The following CYP39A1 variants were observed in gnomAD, a reference collection of about 807,000 sequenced individuals.
The protein encoded by CYP39A1 is 24-hydroxycholesterol 7-alpha-hydroxylase.
In CYP39A1, 49 loss-of-function variants were observed where a neutral mutation model predicts 58.1. The observed-to-expected ratio is 0.84, with a 90% CI of 0.67 to 1.07. CYP39A1 has a LOEUF of 1.07. Ranked by LOEUF, CYP39A1 falls within the 50% of genes least tolerant of loss-of-function variation. The probability of loss-of-function intolerance (pLI) is 0.00; values close to 1 mark genes in which losing one functional copy is unlikely to be tolerated. For missense variants in CYP39A1, 531 were observed against 539.4 expected (o/e 0.98, Z 0.16); for synonymous variants, 209 against 187.6 (o/e 1.11, Z -0.93).
chr6:46,592,553 G>A (rs1772902383), intron 8 of CYP39A1, among the ~76,000 whole-genome samples: 1 of 152,126 alleles, frequency 6.6e-6, no homozygotes, highest in Non-Finnish European at 1.5e-5. Flanking sequence ...AAAATTGGAA[G>A]CCACATACAT....
At chr6:46,567,501 T>C (rs554659660) in intron 10 of CYP39A1, among the ~76,000 whole-genome samples, 53 of 152,256 alleles carry the variant, frequency 3.5e-4, no homozygotes, top group African/African-American at 1.1e-3. Context: ...GTGGAATTGC[T>C]GGATCATATG....
intron 1 of CYP39A1, among the ~76,000 whole-genome samples, chr6:46,651,935 C>A (rs1051554491): frequency 6.6e-6 from 1 of 152,176 alleles, no homozygotes; most frequent in East Asian, 1.9e-4. Flanking sequence ...TGGAGTACAT[C>A]ATCATCAAAT....
chr6:46,555,360 T>C (rs1770621194), intron 10 of CYP39A1, among the ~76,000 whole-genome samples: 1 of 152,232 alleles, frequency 6.6e-6, no homozygotes, highest in Non-Finnish European at 1.5e-5. Flanking sequence ...CAGCTGCTAC[T>C]GCACCACATT....
At position 46,550,337 on chromosome 6, in the gene CYP39A1, G is replaced by A. The variant is rs369717290; in HGVS notation, c.*29C>T. ...TGGGGTAGTGCCACTCCTCCAGAAGGCCCTGGTCCTTGTGAGGCCCAACAG... is the reference window on the plus strand; with the variant it reads ...TGGGGTAGTGCCACTCCTCCAGAAGACCCTGGTCCTTGTGAGGCCCAACAG... On this transcript the variant is annotated 3_prime_UTR_variant, in exon 12 of 12. Coordinates refer to ENST00000275016, the MANE Select transcript of CYP39A1 (RefSeq NM_016593.5). 1.0e-5 allele frequency: 16 copies of A among 1,602,388 alleles called. No homozygotes were observed. Among genetic ancestry groups the A allele is most frequent in the African/African-American group, 2.7e-5 (2 of 74,580 alleles).
At chr6:46,605,773 A>G (rs1773809505) in intron 7 of CYP39A1, among the ~76,000 whole-genome samples, 1 of 152,162 alleles carries the variant, frequency 6.6e-6, no homozygotes, top group African/African-American at 2.4e-5. Flanking sequence ...GCCCTTCACA[A>G]ATGGACATTA....
chr6:46,610,609 T>G (rs1388982713), intron 7 of CYP39A1, among the ~76,000 whole-genome samples: 1 of 152,190 alleles, frequency 6.6e-6, no homozygotes, highest in Non-Finnish European at 1.5e-5. Context: ...TCTCCCAAAG[T>G]GCCGGGATTA....
intron 8 of CYP39A1, among the ~76,000 whole-genome samples, chr6:46,589,102 T>C (rs2150513436): frequency 6.6e-6 from 1 of 152,252 alleles, no homozygotes; most frequent in African/African-American, 2.4e-5. Flanking sequence ...CCTCAAGATA[T>C]TTGAAAAACT....
At chr6:46,586,212 A>C in intron 10 of CYP39A1, 3 of 983,496 alleles carry the variant, frequency 3.1e-6, no homozygotes, top group Non-Finnish European at 3.6e-6. Flanking sequence ...AATAACTGCA[A>C]ATATGGACTG....
intron 5 of CYP39A1, among the ~76,000 whole-genome samples, chr6:46,635,194 T>A (rs1775906418): frequency 6.6e-6 from 1 of 152,228 alleles, no homozygotes; most frequent in Non-Finnish European, 1.5e-5. Flanking sequence ...AATATAAAAA[T>A]GTTTGAAGAG....
intron 10 of CYP39A1, among the ~76,000 whole-genome samples, chr6:46,584,836 C>A (rs1467220054): frequency 6.6e-6 from 1 of 152,110 alleles, no homozygotes; most frequent in East Asian, 1.9e-4. Flanking sequence ...GCATCTTGAC[C>A]AGACATATCC....
intron 10 of CYP39A1, chr6:46,586,212 A>G: frequency 1.0e-6 from 1 of 983,496 alleles, no homozygotes; most frequent in Non-Finnish European, 1.2e-6. Context: ...AATAACTGCA[A>G]ATATGGACTG....
chr6:46,560,129 T>A (rs1770897184), intron 10 of CYP39A1, among the ~76,000 whole-genome samples: 1 of 152,084 alleles, frequency 6.6e-6, no homozygotes, highest in Non-Finnish European at 1.5e-5. Context: ...CCATAAAAGG[T>A]GCAAAAATCC....
At chr6:46,606,311 T>C (rs540740791) in intron 7 of CYP39A1, among the ~76,000 whole-genome samples, 39 of 152,258 alleles carry the variant, frequency 2.6e-4, no homozygotes, top group Middle Eastern at 3.4e-3. Flanking sequence ...GTCAGTGTCA[T>C]GTGAGAAAAA....
intron 10 of CYP39A1, among the ~76,000 whole-genome samples, chr6:46,564,900 T>C (rs1341943781): frequency 6.6e-6 from 1 of 152,180 alleles, no homozygotes; most frequent in African/African-American, 2.4e-5. Flanking sequence ...ATAGGCATCA[T>C]TCATTGAAGC....
chr6:46,586,392 G>T, intron 10 of CYP39A1: 9 of 982,896 alleles, frequency 9.2e-6, no homozygotes, highest in Non-Finnish European at 1.1e-5. Context: ...ATTTAATGTA[G>T]ATTGTAAATT....
At position 46,588,697 on chromosome 6, in the gene CYP39A1, G is replaced by C. The variant is rs143331291; in HGVS notation, c.1066-568C>G. Among the ~76,000 whole-genome samples the C allele has an allele frequency of 2.7e-3, 393 of 147,268 alleles. 2 individuals carry two copies. The highest frequency in any genetic ancestry group is 8.4e-3 in the African/African-American group (342 of 40,482). On this transcript the variant is annotated intron_variant, in intron 8 of 11. Transcript: ENST00000275016. Reference sequence around the variant, plus strand: ...CTTTTCTTTCCTCAGTCCAGCACCGGTTATTAGGAAAGAAACAAATGAAAA... The same window carrying C: ...CTTTTCTTTCCTCAGTCCAGCACCGCTTATTAGGAAAGAAACAAATGAAAA...
At chr6:46,627,492 C>T (rs1350302463) in intron 6 of CYP39A1, among the ~76,000 whole-genome samples, 4 of 151,664 alleles carry the variant, frequency 2.6e-5, no homozygotes, top group Non-Finnish European at 4.4e-5. Flanking sequence ...AATCTCGGCT[C>T]ACTGCAAGCT....
At chr6:46,584,194 G>A (rs1470429548) in intron 10 of CYP39A1, among the ~76,000 whole-genome samples, 3 of 152,050 alleles carry the variant, frequency 2.0e-5, no homozygotes, top group African/African-American at 7.2e-5. Flanking sequence ...TAAGTAATAA[G>A]ACAAAATTAA....
At chr6:46,560,063 G>C (rs575359042) in intron 10 of CYP39A1, among the ~76,000 whole-genome samples, 1 of 152,228 alleles carries the variant, frequency 6.6e-6, no homozygotes, top group African/African-American at 2.4e-5. Context: ...AGAGAAGGAA[G>C]GTCTCTCTGA....
Sources: gnomAD v4.1 joint callset for allele counts (sites outside exome capture counted in the v4.1 genomes callset) on GRCh38, gnomAD v4.1.1 for gene constraint, MANE v1.5 for transcripts, NCBI Gene and HGNC (gene_info 2026-07-23, HGNC 2026-07-21) for gene names.